The following FTO variants were observed in gnomAD, a reference collection of about 807,000 sequenced individuals.
The protein encoded by FTO is alpha-ketoglutarate-dependent dioxygenase FTO.
FTO carries 47 observed loss-of-function variants against 63.9 expected under a neutral mutation model. The ratio of observed to expected loss-of-function variants is 0.74; its 90% confidence interval spans 0.58 to 0.94. The LOEUF (loss-of-function observed/expected upper bound fraction) is 0.94. FTO is among the 40% of genes least tolerant of loss of function. The pLI, the probability that FTO is intolerant of heterozygous loss-of-function variation, is 0.00. For missense variants in FTO, 562 were observed against 618.1 expected, an observed-to-expected ratio of 0.91 and a Z score of 0.96; for synonymous variants, 207 against 224.4, an observed-to-expected ratio of 0.92 and a Z score of 0.69.
intron 1 of FTO, among the ~76,000 whole-genome samples, chr16:53,730,869 C>T (rs1425726916): frequency 6.6e-6 from 1 of 152,106 alleles, no homozygotes. Context: ...AAATAGTTTC[C>T]TCTATTGTTG....
intron 7 of FTO, among the ~76,000 whole-genome samples, chr16:53,889,200 G>A (rs1169325165): frequency 1.3e-5 from 2 of 152,126 alleles, no homozygotes; most frequent in Non-Finnish European, 2.9e-5. Context: ...GTGATAAGAG[G>A]ATAACAATTC....
intron 8 of FTO, among the ~76,000 whole-genome samples, chr16:54,059,703 T>C (rs768531228): frequency 2.0e-5 from 3 of 152,190 alleles, no homozygotes; most frequent in Admixed American, 1.3e-4. Context: ...AACATTTCTT[T>C]ATCACCTGCA....
chr16:53,857,843 G>A (rs973188023), intron 4 of FTO, among the ~76,000 whole-genome samples: 2 of 152,116 alleles, frequency 1.3e-5, no homozygotes, highest in Non-Finnish European at 2.9e-5. Context: ...TCTGTGCATG[G>A]ATAGTTATTC....
chr16:53,868,190 A>G (rs1436156844), intron 4 of FTO, among the ~76,000 whole-genome samples: 1 of 152,106 alleles, frequency 6.6e-6, no homozygotes, highest in Non-Finnish European at 1.5e-5. Context: ...ATTTAAAGTG[A>G]TTATTGATAC....
intron 1 of FTO, among the ~76,000 whole-genome samples, chr16:53,709,378 T>C (rs2075711144): frequency 6.6e-6 from 1 of 152,238 alleles, no homozygotes; most frequent in South Asian, 2.1e-4. Flanking sequence ...AAGTATTTGA[T>C]GGTTTGAGTT....
chr16:53,777,617 G>A (rs1187041228), intron 1 of FTO, among the ~76,000 whole-genome samples: 1 of 152,020 alleles, frequency 6.6e-6, no homozygotes, highest in African/African-American at 2.4e-5. Context: ...TCTTCCAAAT[G>A]TTGATGCATT....
rs2079832448 is a variant in FTO, at chr16:53,852,282, A to G, written c.895+7984A>G. Among the ~76,000 whole-genome samples, 5 of 152,080 alleles carry G rather than the reference A, an allele frequency of 3.3e-5. No individual in the cohort carries two copies. The South Asian group carries it at 1.0e-3, about 31-fold the overall frequency. ...CAGAGCAAGACCTTGTCTCAAAAAA[A>G]AAGAAAAGAAAAAGAAAAAAGAATT... On this transcript the variant is annotated intron_variant, in intron 4 of 8. Transcript: ENST00000471389.
intron 7 of FTO, among the ~76,000 whole-genome samples, chr16:53,894,576 A>G (rs937717411): frequency 6.6e-6 from 1 of 152,118 alleles, no homozygotes; most frequent in Non-Finnish European, 1.5e-5. Flanking sequence ...GAAGAAAGTG[A>G]TGGAAATATA....
At chr16:53,783,604 T>TATAAAAAAAAAAA (rs397716766) in intron 1 of FTO, among the ~76,000 whole-genome samples, 2 of 68,146 alleles carry the variant, frequency 2.9e-5, no homozygotes, top group East Asian at 5.0e-4. Context: ...CAAGACTCCA[T>TATAAAAAAAAAAA]AAAAAAAAAA....
At chr16:53,905,012 A>G (rs2081501302) in intron 7 of FTO, among the ~76,000 whole-genome samples, 1 of 152,080 alleles carries the variant, frequency 6.6e-6, no homozygotes, top group Non-Finnish European at 1.5e-5. Flanking sequence ...AATATTTTCT[A>G]ATAAAGACAA....
chr16:53,980,267 C>T (rs2083513393), intron 8 of FTO, among the ~76,000 whole-genome samples: 1 of 152,168 alleles, frequency 6.6e-6, no homozygotes, highest in Non-Finnish European at 1.5e-5. Context: ...TTTTACCGAA[C>T]AATTGTGAAA....
intron 8 of FTO, among the ~76,000 whole-genome samples, chr16:54,024,825 T>C (rs2084679575): frequency 6.6e-6 from 1 of 152,224 alleles, no homozygotes; most frequent in Non-Finnish European, 1.5e-5. Flanking sequence ...AAATTTAATT[T>C]TTCACCCAGT....
At chr16:54,080,107 C>A (rs2144505335) in intron 8 of FTO, among the ~76,000 whole-genome samples, 1 of 152,176 alleles carries the variant, frequency 6.6e-6, no homozygotes, top group Admixed American at 6.5e-5. Context: ...GAAGAGTAGG[C>A]CAGGCATGGT....
At chr16:54,009,434 CAT>C (rs2084288270) in intron 8 of FTO, among the ~76,000 whole-genome samples, 8 of 152,228 alleles carry the variant, frequency 5.3e-5, no homozygotes, top group Middle Eastern at 6.8e-3. Flanking sequence ...CAACAAAACT[CAT>C]ATTGCAAGTC....
chr16:53,903,662 T>A (rs1039786015), intron 7 of FTO, among the ~76,000 whole-genome samples: 29 of 152,364 alleles, frequency 1.9e-4, no homozygotes, highest in South Asian at 1.2e-3. Context: ...TAAATTACTG[T>A]GTAGCTTTTT....
At chr16:53,729,896 A>G (rs539718638) in intron 1 of FTO, among the ~76,000 whole-genome samples, 2 of 152,212 alleles carry the variant, frequency 1.3e-5, no homozygotes, top group South Asian at 2.1e-4. Flanking sequence ...CCCTCACTAT[A>G]GCTGTTTGTC....
At chr16:53,844,700 TC>T (rs2151820082) in intron 4 of FTO, among the ~76,000 whole-genome samples, 1 of 152,282 alleles carries the variant, frequency 6.6e-6, no homozygotes, top group South Asian at 2.1e-4. Context: ...CCTCAGGTGA[TC>T]CACCTGCCTC....
At chr16:53,722,541 T>C (rs145635321) in intron 1 of FTO, among the ~76,000 whole-genome samples, 1 of 152,248 alleles carries the variant, frequency 6.6e-6, no homozygotes, top group Admixed American at 6.5e-5. Context: ...GAAAATGTTT[T>C]GTGTAGGCTA....
At chr16:53,862,238 C>T (rs187839302) in intron 4 of FTO, among the ~76,000 whole-genome samples, 6 of 152,162 alleles carry the variant, frequency 3.9e-5, no homozygotes, top group African/African-American at 1.2e-4. Context: ...ATTAGTGAGA[C>T]TTCATCTCAA....
Sources: allele counts gnomAD v4.1 joint callset (sites outside exome capture counted in the v4.1 genomes callset), GRCh38; gene constraint gnomAD v4.1.1; transcripts MANE v1.5; gene names NCBI Gene and HGNC (gene_info 2026-07-23, HGNC 2026-07-21).